SYT16: variants seen among roughly 807,000 people sequenced by gnomAD.
SYT16 encodes the protein synaptotagmin 16, also known as synaptotagmin-16.
SYT16 carries 42 observed loss-of-function variants against 61.4 expected under a neutral mutation model. The ratio of observed to expected loss-of-function variants is 0.68; its 90% CI spans 0.53 to 0.89. The LOEUF is 0.89. Among genes scored for constraint, SYT16 ranks in the 40% least tolerant of loss-of-function variants. The pLI is 0.00. For synonymous variants in SYT16, 314 were observed against 302.3 expected, an observed-to-expected ratio of 1.04 and a Z score of -0.40; for missense variants, 804 against 807.3, an observed-to-expected ratio of 1.00 and a Z score of 0.05.
At chr14:61,966,301 A>C (rs1259939966) in intron 1 of SYT16, among the ~76,000 whole-genome samples, 1 of 152,130 alleles carries the variant, frequency 6.6e-6, no homozygotes. Flanking sequence ...TAATATAAGC[A>C]TATGAAATAG....
At chr14:61,895,888 A>G (rs962207190) in intron 1 of SYT16, among the ~76,000 whole-genome samples, 1 of 152,124 alleles carries the variant, frequency 6.6e-6, no homozygotes, top group Non-Finnish European at 1.5e-5. Context: ...ATTTTTTTCT[A>G]TGATCACTTC....
At chr14:62,063,936 T>C (rs1023875070) in intron 3 of SYT16, among the ~76,000 whole-genome samples, 1 of 152,156 alleles carries the variant, frequency 6.6e-6, no homozygotes, top group African/African-American at 2.4e-5. Context: ...TGGTGGCAGA[T>C]GTTTAGATGA....
intron 2 of SYT16, among the ~76,000 whole-genome samples, chr14:61,977,769 G>GA (rs887710815): frequency 2.0e-5 from 3 of 152,014 alleles, no homozygotes; most frequent in Non-Finnish European, 2.9e-5. Context: ...CATCTGGGTT[G>GA]AAAAAAATAG....
chr14:61,820,668 G>C (rs1183275171), intron 1 of SYT16, among the ~76,000 whole-genome samples: 1 of 151,814 alleles, frequency 6.6e-6, no homozygotes, highest in Non-Finnish European at 1.5e-5. Context: ...TTTTAGAAGA[G>C]ACAGGGTTTC....
chr14:62,082,792 G>T (rs1348770410), intron 6 of SYT16, among the ~76,000 whole-genome samples: 1 of 152,252 alleles, frequency 6.6e-6, no homozygotes. Flanking sequence ...CCTATGCTGT[G>T]TGCTGGTGGC....
chr14:61,959,881 G>A (rs1267869307), intron 1 of SYT16, among the ~76,000 whole-genome samples: 1 of 152,062 alleles, frequency 6.6e-6, no homozygotes, highest in Non-Finnish European at 1.5e-5. Context: ...CCAGGCTGGA[G>A]TGCAGTGGTG....
chr14:61,985,691 A>T (rs1595083964), intron 2 of SYT16, among the ~76,000 whole-genome samples: 1 of 152,176 alleles, frequency 6.6e-6, no homozygotes, highest in East Asian at 1.9e-4. Flanking sequence ...AAATAGTTTA[A>T]AATTTATAAA....
chr14:61,859,142 A>G (rs1356397117), intron 1 of SYT16, among the ~76,000 whole-genome samples: 1 of 151,820 alleles, frequency 6.6e-6, no homozygotes, highest in Non-Finnish European at 1.5e-5. Context: ...TACAGGCGTG[A>G]GCCACCGCGC....
At chr14:62,003,555 T>A (rs1051458263) in intron 3 of SYT16, among the ~76,000 whole-genome samples, 2 of 152,078 alleles carry the variant, frequency 1.3e-5, no homozygotes, top group African/African-American at 4.8e-5. Context: ...TAAGAAAATA[T>A]GTGATTTGAC....
intron 1 of SYT16, among the ~76,000 whole-genome samples, chr14:61,823,678 G>A (rs2045687900): frequency 6.6e-6 from 1 of 152,168 alleles, no homozygotes; most frequent in South Asian, 2.1e-4. Flanking sequence ...CTTGAGCCTG[G>A]GAGGTGAAGG....
chr14:61,991,945 T>TC (rs1566744000), intron 2 of SYT16, among the ~76,000 whole-genome samples: 2 of 124,110 alleles, frequency 1.6e-5, no homozygotes, highest in Non-Finnish European at 3.4e-5. Flanking sequence ...CTAATAACTT[T>TC]GTTCGTTCAT....
rs2049210755 is a variant in SYT16, at chr14:61,918,646, T to C, written c.-324-51486T>C. 2.0e-5 allele frequency among the ~76,000 whole-genome samples: 3 copies of C among 151,976 alleles called. No homozygotes were observed. In the South Asian group the frequency reaches 6.2e-4, roughly 32 times the overall value. ...AAGAGTATGATTCCACTTTTAAAAA[T>C]AAAATACATGAATATGTATAAATAT... On this transcript the variant is annotated intron_variant, in intron 1 of 7. Transcript: ENST00000683842.
At chr14:62,081,819 C>T (rs1464131556) in intron 6 of SYT16, among the ~76,000 whole-genome samples, 2 of 152,324 alleles carry the variant, frequency 1.3e-5, no homozygotes, top group African/African-American at 4.8e-5. Context: ...CTCACTACTG[C>T]TGTGGGTTAT....
chr14:61,958,680 A>G (rs753421521), intron 1 of SYT16, among the ~76,000 whole-genome samples: 4 of 152,034 alleles, frequency 2.6e-5, no homozygotes, highest in Non-Finnish European at 4.4e-5. Context: ...CATGTTATCC[A>G]TGCTGTAGAA....
chr14:61,882,886 A>G (rs921797134), intron 1 of SYT16, among the ~76,000 whole-genome samples: 4 of 152,262 alleles, frequency 2.6e-5, no homozygotes, highest in African/African-American at 9.6e-5. Context: ...CTGAAATCCA[A>G]TAGGCCAGTC....
chr14:61,849,753 A>C (rs766697159), intron 1 of SYT16, among the ~76,000 whole-genome samples: 9 of 152,140 alleles, frequency 5.9e-5, no homozygotes, highest in Non-Finnish European at 1.5e-5. Context: ...TGCCTCTTTC[A>C]GTGATATGAA....
At chr14:61,902,698 G>A (rs1308444314) in intron 1 of SYT16, among the ~76,000 whole-genome samples, 1 of 152,162 alleles carries the variant, frequency 6.6e-6, no homozygotes, top group Non-Finnish European at 1.5e-5. Flanking sequence ...CCAAGATTGG[G>A]TAATTTATAA....
At chr14:61,910,313 A>G (rs551148448) in intron 1 of SYT16, among the ~76,000 whole-genome samples, 11 of 152,088 alleles carry the variant, frequency 7.2e-5, no homozygotes, top group Non-Finnish European at 1.5e-4. Flanking sequence ...ATCTCAGCCC[A>G]CTGCAACCTC....
chr14:62,028,275 G>C (rs1013861171), intron 3 of SYT16, among the ~76,000 whole-genome samples: 1 of 152,150 alleles, frequency 6.6e-6, no homozygotes, highest in African/African-American at 2.4e-5. Flanking sequence ...GTTGTGGTTG[G>C]GATGACAATG....
Sources: gnomAD v4.1 joint callset for allele counts (sites outside exome capture counted in the v4.1 genomes callset) on GRCh38, gnomAD v4.1.1 for gene constraint, MANE v1.5 for transcripts, NCBI Gene and HGNC (gene_info 2026-07-23, HGNC 2026-07-21) for gene names.